GLIS3: variants seen among roughly 807,000 people sequenced by gnomAD.
GLIS3 encodes zinc finger protein GLIS3.
Under a neutral mutation model 78.6 loss-of-function variants are expected in GLIS3, and 53 were observed. The ratio of observed to expected loss-of-function variants is 0.67; its 90% CI spans 0.54 to 0.85. GLIS3 has a LOEUF of 0.85. Among genes scored for constraint, GLIS3 ranks in the 40% least tolerant of loss-of-function variants. GLIS3 has a pLI of 0.00. For synonymous variants in GLIS3, 684 were observed against 509.9 expected (o/e 1.34, Z -4.60); for missense variants, 1,703 against 1,231.1 (o/e 1.38, Z -5.74).
At chr9:4,005,028 T>G (rs905749922) in intron 4 of GLIS3, among the ~76,000 whole-genome samples, 3 of 152,216 alleles carry the variant, frequency 2.0e-5, no homozygotes, top group Admixed American at 1.3e-4. Flanking sequence ...CCCTGAATCC[T>G]GATGCCCCCA....
At chr9:4,291,045 G>T (rs955051071) in intron 1 of GLIS3, among the ~76,000 whole-genome samples, 2 of 152,074 alleles carry the variant, frequency 1.3e-5, no homozygotes, top group African/African-American at 4.8e-5. Context: ...ACAGAACTGA[G>T]ATAATTCCTC....
At chr9:4,244,030 G>T (rs1428686862) in intron 2 of GLIS3, among the ~76,000 whole-genome samples, 1 of 152,170 alleles carries the variant, frequency 6.6e-6, no homozygotes, top group Non-Finnish European at 1.5e-5. Context: ...CAACCCCCAT[G>T]CACATACGTG....
chr9:4,450,442 G>A, the GLIS3 span, among the ~76,000 whole-genome samples: 1 of 152,156 alleles, frequency 6.6e-6, no homozygotes, highest in East Asian at 1.9e-4. Flanking sequence ...TTATCCAGGA[G>A]AACATCCCCA....
At position 4,026,693 on chromosome 9, in the gene GLIS3, T is replaced by G. The variant is rs150996489; in HGVS notation, c.1711-89504A>C. Among the ~76,000 whole-genome samples the G allele has an allele frequency of 5.0e-3, 760 of 152,362 alleles. 7 individuals carry two copies. Among genetic ancestry groups the G allele is most frequent in the African/African-American group, 0.018 (739 of 41,580 alleles). On this transcript the variant is annotated intron_variant, in intron 4 of 10. Transcript: ENST00000381971. ...CTAGTAGATATTTTGACATCTCTTT[T>G]CTTTAAGCATATTTATTGGACTATT... is the stretch of plus-strand genomic sequence containing the variant.
At chr9:4,204,758 C>T (rs1024897135) in intron 2 of GLIS3, among the ~76,000 whole-genome samples, 1 of 151,948 alleles carries the variant, frequency 6.6e-6, no homozygotes, top group South Asian at 2.1e-4. Flanking sequence ...TAGTAAAATA[C>T]AAAAAATTAG....
chr9:3,991,683 A>ATTTTTTTTTTTTTTTTT (rs59495657), intron 4 of GLIS3, among the ~76,000 whole-genome samples: 1 of 87,912 alleles, frequency 1.1e-5, no homozygotes, highest in African/African-American at 5.3e-5. Context: ...AAGTAGGCTG[A>ATTTTTTTTTTTTTTTTT]TTTTTTTTTT....
rs1831901132 is a variant in GLIS3, at chr9:4,118,466, G to A, written c.1012C>T (p.Pro338Ser). Residue 338 changes from proline (P) to serine (S), a missense_variant, in exon 4 of 11, where the codon CCG (proline) becomes TCG (serine). By Grantham distance (74) the Pro-to-Ser change is moderately conservative. Transcript: ENST00000381971. This position sits in a 1 kb window ranked among gnomAD's most constrained non-coding sequence, Gnocchi z 4.7. ...VAYINGSRAS[P>S]ANLSPQPEVY... ...TCCGGCTGCGGGGACAGGTTGGCCG[G>A]CGAAGCCCTCGACCCGTTGATGTAG... The A allele has an allele frequency of 8.1e-6, 13 of 1,613,760 alleles. No individual in the cohort carries two copies. Among genetic ancestry groups the A allele is most frequent in the Non-Finnish European group, 1.0e-5 (12 of 1,180,034 alleles).
At chr9:4,481,699 GT>G in the GLIS3 span, among the ~76,000 whole-genome samples, 9 of 152,078 alleles carry the variant, frequency 5.9e-5, no homozygotes, top group African/African-American at 2.2e-4. Flanking sequence ...CAGTTAAGTT[GT>G]TTCCAGCTGA....
the GLIS3 span, among the ~76,000 whole-genome samples, chr9:4,430,378 G>A: frequency 0.028 from 4,223 of 152,304 alleles, 115 homozygotes; most frequent in Admixed American, 0.071. Flanking sequence ...TCTGCAGGAG[G>A]AATGTGATAC....
chr9:3,851,921 T>C (rs1262306156), intron 9 of GLIS3, among the ~76,000 whole-genome samples: 1 of 152,150 alleles, frequency 6.6e-6, no homozygotes. Context: ...GGTGGGCAGA[T>C]TGCCTGAGGT....
At chr9:4,130,967 G>T (rs1392188822) in intron 2 of GLIS3, among the ~76,000 whole-genome samples, 1 of 152,204 alleles carries the variant, frequency 6.6e-6, no homozygotes, top group Non-Finnish European at 1.5e-5. Context: ...GCTGCCCAAG[G>T]CCTTAGGAGC....
chr9:4,097,961 G>A (rs1830089582), intron 4 of GLIS3, among the ~76,000 whole-genome samples: 1 of 151,966 alleles, frequency 6.6e-6, no homozygotes, highest in Admixed American at 6.6e-5. Context: ...GGTCTATTTT[G>A]GTATTTGTCA....
chr9:4,146,480 T>C (rs1202694544), intron 2 of GLIS3, among the ~76,000 whole-genome samples: 2 of 152,238 alleles, frequency 1.3e-5, no homozygotes, highest in Non-Finnish European at 2.9e-5. Context: ...TGCCAGTCTT[T>C]ACCCTCAATT....
chr9:4,487,024 A>G, the GLIS3 span, among the ~76,000 whole-genome samples: 64,158 of 151,872 alleles, frequency 0.42, 13,665 homozygotes, highest in Middle Eastern at 0.49. Context: ...GGAAATGCAA[A>G]AAGTAGAAGG....
chr9:4,158,130 T>C (rs1835176621), intron 2 of GLIS3, among the ~76,000 whole-genome samples: 2 of 152,200 alleles, frequency 1.3e-5, no homozygotes, highest in Admixed American at 1.3e-4. Context: ...AATCTTTTTT[T>C]TCCTTTCCAA....
At chr9:4,176,026 A>C (rs1386822652) in intron 2 of GLIS3, among the ~76,000 whole-genome samples, 1 of 152,178 alleles carries the variant, frequency 6.6e-6, no homozygotes, top group African/African-American at 2.4e-5. Flanking sequence ...CCAACCCTGC[A>C]CACAGAGAAC....
the GLIS3 span, among the ~76,000 whole-genome samples, chr9:4,443,688 C>T: frequency 5.9e-5 from 9 of 152,126 alleles, no homozygotes; most frequent in Admixed American, 1.3e-4. Flanking sequence ...TTCTAGAGGC[C>T]AGTTCAAGAA....
rs1823053306 is a variant in GLIS3 at position 3,898,683 on chromosome 9, G to A, written c.2128+8C>T. ...AGTTGTGGTTGGCTCTGCCTTTGCT[G>A]TCTTTACCTGAATAGAGGTCAGGCC... On this transcript the variant is annotated splice_region_variant and intron_variant, in intron 7 of 10. Coordinates refer to ENST00000381971, the MANE Select transcript of GLIS3 (RefSeq NM_001042413.2). The A allele has an allele frequency of 1.2e-6, 2 of 1,613,972 alleles. No homozygotes were observed. The highest frequency in any genetic ancestry group is 1.3e-5 in the African/African-American group (1 of 74,894).
chr9:4,274,377 T>G (rs146987806), intron 2 of GLIS3, among the ~76,000 whole-genome samples: 4 of 152,142 alleles, frequency 2.6e-5, no homozygotes, highest in Non-Finnish European at 5.9e-5. Flanking sequence ...CTACTTAACA[T>G]TGATTGGGTT....
Sources: allele counts gnomAD v4.1 joint callset (sites outside exome capture counted in the v4.1 genomes callset), GRCh38; gene constraint gnomAD v4.1.1; non-coding constraint Gnocchi (gnomAD v3.1); transcripts MANE v1.5; gene names NCBI Gene and HGNC (gene_info 2026-07-23, HGNC 2026-07-21).